LNX1: variants seen among roughly 807,000 people sequenced by gnomAD.
The protein encoded by LNX1 is ligand of numb-protein X 1, also known as E3 ubiquitin-protein ligase LNX.
Under a neutral mutation model 68.4 loss-of-function variants are expected in LNX1, and 54 were observed. The ratio of observed to expected loss-of-function variants is 0.79; its 90% CI spans 0.63 to 0.99. The LOEUF is 0.99. Among genes scored for constraint, LNX1 ranks in the 50% least tolerant of loss-of-function variants. LNX1 has a pLI of 0.00. For missense variants in LNX1, 906 were observed against 926.4 expected, an observed-to-expected ratio of 0.98 and a Z score of 0.29; for synonymous variants, 336 against 350.0, an observed-to-expected ratio of 0.96 and a Z score of 0.45.
rs1297910264 is a variant in LNX1, at chr4:53,597,543, G to A, written c.-214-6028C>T. 2.0e-5 allele frequency among the ~76,000 whole-genome samples: 3 copies of A among 152,130 alleles called. No individual in the cohort carries two copies. In the East Asian group the frequency reaches 5.8e-4, roughly 29 times the overall value. On this transcript the variant is annotated intron_variant, in intron 2 of 3. Transcript: ENST00000504299. ...CTCTGTCCCTGGGAGTCCTTGACTG[G>A]TAAAATGGAAATGGACAGCAGGGCA...
chr4:53,491,788 G>C (rs1021448886), intron 6 of LNX1, among the ~76,000 whole-genome samples: 4 of 141,344 alleles, frequency 2.8e-5, no homozygotes, highest in Admixed American at 7.9e-5. Flanking sequence ...CTGAGGATAC[G>C]ATACTTTTTT....
At chr4:53,645,020 C>A (rs2109890307) in intron 1 of LNX1, among the ~76,000 whole-genome samples, 1 of 152,230 alleles carries the variant, frequency 6.6e-6, no homozygotes, top group South Asian at 2.1e-4. Context: ...GAGAGTGAGC[C>A]CAGGAAATCT....
intron 1 of LNX1, among the ~76,000 whole-genome samples, chr4:53,629,408 G>A (rs1439898306): frequency 6.6e-6 from 1 of 152,066 alleles, no homozygotes; most frequent in Non-Finnish European, 1.5e-5. Flanking sequence ...GCAGTGCTAA[G>A]AGCTCACCCT....
intron 2 of LNX1, among the ~76,000 whole-genome samples, chr4:53,563,463 G>C (rs1456861726): frequency 4.6e-5 from 7 of 152,118 alleles, no homozygotes; most frequent in Admixed American, 2.6e-4. Flanking sequence ...GGAGTAAGAG[G>C]GGGGCCTACT....
intron 1 of LNX1, among the ~76,000 whole-genome samples, chr4:53,623,291 C>T (rs1733953400): frequency 6.6e-6 from 1 of 151,662 alleles, no homozygotes; most frequent in Non-Finnish European, 1.5e-5. Context: ...GCAACCTCCT[C>T]CTCCCAGGCT....
chr4:53,510,979 A>G (rs1726291273), intron 2 of LNX1, among the ~76,000 whole-genome samples: 1 of 152,190 alleles, frequency 6.6e-6, no homozygotes, highest in African/African-American at 2.4e-5. Context: ...TTAAGAAACC[A>G]TTGCACTTTC....
At chr4:53,582,298 G>A (rs140534002) in intron 1 of LNX1, among the ~76,000 whole-genome samples, 22 of 152,270 alleles carry the variant, frequency 1.4e-4, no homozygotes, top group African/African-American at 5.1e-4. Context: ...ACTTGACAGA[G>A]ACACACAGGT....
rs199901616 is a variant in LNX1, at chr4:53,573,810, G to C, written c.193C>G (p.Leu65Val). The C allele has an allele frequency of 4.3e-6, 7 of 1,613,272 alleles. No individual in the cohort carries two copies. The Admixed American group carries it at 1.2e-4, about 27-fold the overall frequency. Reference protein sequence around the residue: ...PCGHTYCTLCLTNFLVEKDFC... With the variant: ...PCGHTYCTLCVTNFLVEKDFC... ...TCCTTCTCCACCAGGAAGTTGGTGA[G>C]GCAGAGGGTGCAGTAGGTGTGTCCA... Residue 65 changes from leucine (L) to valine (V), a missense_variant, in exon 2 of 11, where the codon CTC becomes GTC. Coordinates refer to ENST00000263925, the MANE Select transcript of LNX1 (RefSeq NM_001126328.3).
At chr4:53,461,250 G>T (rs1386429935) in intron 10 of LNX1, among the ~76,000 whole-genome samples, 185 bp downstream of exon 10, 1 of 152,070 alleles carries the variant, frequency 6.6e-6, no homozygotes, top group Non-Finnish European at 1.5e-5. Flanking sequence ...AAAGTATGGG[G>T]AGTTGTAGTA....
chr4:53,488,342 C>T (rs940270879), intron 6 of LNX1, among the ~76,000 whole-genome samples: 7 of 152,178 alleles, frequency 4.6e-5, no homozygotes, highest in African/African-American at 1.7e-4. Flanking sequence ...TGTGACAATC[C>T]TATTTGAGGA....
chr4:53,586,799 T>C (rs1175493597), intron 1 of LNX1, among the ~76,000 whole-genome samples: 2 of 152,214 alleles, frequency 1.3e-5, no homozygotes, highest in Non-Finnish European at 2.9e-5. Flanking sequence ...GAGGCAGAAA[T>C]TCTTTTTAGA....
intron 2 of LNX1, among the ~76,000 whole-genome samples, chr4:53,530,382 A>G (rs1397790202): frequency 6.6e-6 from 1 of 152,216 alleles, no homozygotes; most frequent in Admixed American, 6.5e-5. Flanking sequence ...AGAAATGTAT[A>G]TGGGAAATTA....
At chr4:53,501,311 GACA>G (rs1725487670) in intron 4 of LNX1, among the ~76,000 whole-genome samples, 6 of 55,698 alleles carry the variant, frequency 1.1e-4, no homozygotes, top group Admixed American at 4.5e-4. Flanking sequence ...GGGGTGGGGG[GACA>G]GGATCTCACT....
chr4:53,570,065 G>A (rs1731034713), intron 2 of LNX1, among the ~76,000 whole-genome samples: 1 of 151,768 alleles, frequency 6.6e-6, no homozygotes, highest in Non-Finnish European at 1.5e-5. Context: ...CACTGTTGGT[G>A]GGACTGTAAA....
At chr4:53,527,765 G>C (rs1458311649) in intron 2 of LNX1, among the ~76,000 whole-genome samples, 1 of 152,156 alleles carries the variant, frequency 6.6e-6, no homozygotes, top group East Asian at 1.9e-4. Flanking sequence ...CAGGGGAAAA[G>C]GGGCTACCAG....
At chr4:53,650,610 G>A (rs1735060904) in intron 1 of LNX1, among the ~76,000 whole-genome samples, 1 of 152,084 alleles carries the variant, frequency 6.6e-6, no homozygotes, top group Non-Finnish European at 1.5e-5. Context: ...AATAGAGGAG[G>A]AAGCTGGGAT....
intron 1 of LNX1, among the ~76,000 whole-genome samples, chr4:53,588,497 A>G (rs928949478): frequency 6.6e-6 from 1 of 152,264 alleles, no homozygotes; most frequent in African/African-American, 2.4e-5. Context: ...GATGCCAGAG[A>G]CCAGACCACT....
chr4:53,506,838 G>C (rs1390898021), intron 4 of LNX1, among the ~76,000 whole-genome samples: 1 of 64,468 alleles, frequency 1.6e-5, no homozygotes, highest in Non-Finnish European at 3.4e-5. Flanking sequence ...CAGCCTGGGC[G>C]ACAAGCAAAA....
rs148267038 is a variant in LNX1 at position 53,531,576 on chromosome 4, A to G, written c.381-23349T>C. Among the ~76,000 whole-genome samples the G allele has an allele frequency of 4.6e-3, 697 of 152,334 alleles. 4 individuals are homozygous for G. Among genetic ancestry groups the G allele is most frequent in the Non-Finnish European group, 8.6e-3 (583 of 68,036 alleles). ...GTATAAATGATTTTAGCTTGAAACT[A>G]GTTTTAAGTTCTTCCTGCTCTGATG... On this transcript the variant is annotated intron_variant, in intron 2 of 10. Coordinates refer to ENST00000263925, the MANE Select transcript of LNX1 (RefSeq NM_001126328.3).
Sources: gnomAD v4.1 joint callset for allele counts (sites outside exome capture counted in the v4.1 genomes callset) on GRCh38, gnomAD v4.1.1 for gene constraint, MANE v1.5 for transcripts, NCBI Gene and HGNC (gene_info 2026-07-23, HGNC 2026-07-21) for gene names.